Variants in ZNF257 observed in about 807,000 individuals in gnomAD.
ZNF257 encodes bone marrow zinc finger 4.
Under a neutral mutation model 11.9 loss-of-function variants are expected in ZNF257, and 12 were observed. That is an observed-to-expected ratio of 1.01 (90% confidence interval 0.65 to 1.63). ZNF257 has a LOEUF of 1.63. Among genes scored for constraint, ZNF257 ranks in the 40% most tolerant of loss-of-function variants. The pLI is 0.00. For missense variants in ZNF257, 580 were observed against 665.5 expected (o/e 0.87, Z 1.41); for synonymous variants, 183 against 222.7 (o/e 0.82, Z 1.59).
intron 3 of ZNF257, among the ~76,000 whole-genome samples, chr19:22,084,140 C>CAA (rs373804336): frequency 0.015 from 1,859 of 121,828 alleles, 21 homozygotes; most frequent in Middle Eastern, 0.033. Flanking sequence ...GACTTCATCT[C>CAA]AAAAAAAAAA....
intron 1 of ZNF257, among the ~76,000 whole-genome samples, chr19:22,057,880 CT>C (rs1359206572): frequency 6.6e-6 from 1 of 152,178 alleles, no homozygotes; most frequent in Non-Finnish European, 1.5e-5. Flanking sequence ...CTGCCTCAGC[CT>C]CCTGAATAGC....
At chr19:22,085,440 T>A (rs756612179) in intron 3 of ZNF257, among the ~76,000 whole-genome samples, 1 of 152,056 alleles carries the variant, frequency 6.6e-6, no homozygotes, top group Non-Finnish European at 1.5e-5. Flanking sequence ...AAAAAGATTG[T>A]ATGAGCTATT....
At chr19:22,060,062 T>G (rs149139491) in intron 1 of ZNF257, among the ~76,000 whole-genome samples, 75 of 152,338 alleles carry the variant, frequency 4.9e-4, no homozygotes, top group African/African-American at 1.7e-3. Flanking sequence ...CTACCATGGA[T>G]AGGCATTTAG....
chr19:22,080,175 T>TG (rs1327999734), intron 3 of ZNF257, among the ~76,000 whole-genome samples: 49 of 152,088 alleles, frequency 3.2e-4, no homozygotes, highest in Admixed American at 6.5e-5. Flanking sequence ...GAACAGGGTC[T>TG]CACTATGTTG....
At chr19:22,082,913 A>G (rs2022392864) in intron 3 of ZNF257, among the ~76,000 whole-genome samples, 2 of 152,186 alleles carry the variant, frequency 1.3e-5, no homozygotes, top group African/African-American at 2.4e-5. Flanking sequence ...AAAATCAAAT[A>G]TGAATCAGCC....
At chr19:22,074,796 T>G (rs771431996) in intron 3 of ZNF257, among the ~76,000 whole-genome samples, 1 of 151,922 alleles carries the variant, frequency 6.6e-6, no homozygotes, top group Non-Finnish European at 1.5e-5. Context: ...AACTTAGGTT[T>G]TAATGCGCTG....
At chr19:22,080,384 A>G (rs1397746482) in intron 3 of ZNF257, among the ~76,000 whole-genome samples, 2 of 152,168 alleles carry the variant, frequency 1.3e-5, no homozygotes, top group African/African-American at 4.8e-5. Context: ...TCAAAATTTT[A>G]CATTCTATTA....
intron 1 of ZNF257, among the ~76,000 whole-genome samples, chr19:22,056,092 A>T (rs1486425893): frequency 6.6e-6 from 1 of 151,364 alleles, no homozygotes; most frequent in Non-Finnish European, 1.5e-5. Flanking sequence ...GTTTTCACTT[A>T]TCTTGACCTC....
At chr19:22,084,713 A>G (rs1025255998) in intron 3 of ZNF257, among the ~76,000 whole-genome samples, 3 of 150,674 alleles carry the variant, frequency 2.0e-5, no homozygotes, top group African/African-American at 7.3e-5. Context: ...TTGTTCATAG[A>G]AAGTAATCTA....
At chr19:22,082,403 G>C (rs965725596) in intron 3 of ZNF257, among the ~76,000 whole-genome samples, 1 of 152,056 alleles carries the variant, frequency 6.6e-6, no homozygotes, top group Admixed American at 6.6e-5. Context: ...TGAACTCCTG[G>C]TCCCAAGTGA....
rs1356732402 is a variant in ZNF257 at position 22,089,377 on chromosome 19, A to G, written c.1627A>G (p.Asn543Asp). 1.9e-6 allele frequency: 3 copies of G among 1,612,434 alleles called. No individual in the cohort carries two copies. Among genetic ancestry groups the G allele is most frequent in the Non-Finnish European group, 2.5e-6 (3 of 1,179,368 alleles). Residue 543 changes from asparagine to aspartate, a missense_variant, in exon 4 of 4, where the codon AAC becomes GAC. Physicochemically the swap from Asn to Asp is conservative, Grantham distance 23. Coordinates refer to ENST00000594947, the MANE Select transcript of ZNF257 (RefSeq NM_033468.4). ...HKRIHAGENPNKYEECGKACN... is the reference protein window; with the variant it reads ...HKRIHAGENPDKYEECGKACN... ...GAGAATTCATGCTGGAGAGAACCCCAACAAATATGAAGAATGTGGCAAAGC... is the reference window on the plus strand; with the variant it reads ...GAGAATTCATGCTGGAGAGAACCCCGACAAATATGAAGAATGTGGCAAAGC...
At chr19:22,079,533 G>A (rs561363668) in intron 3 of ZNF257, among the ~76,000 whole-genome samples, 1 of 152,100 alleles carries the variant, frequency 6.6e-6, no homozygotes, top group Non-Finnish European at 1.5e-5. Context: ...TGTCTTACAT[G>A]GTGGAAGACA....
At chr19:22,075,014 G>C (rs1420544139) in intron 3 of ZNF257, among the ~76,000 whole-genome samples, 2 of 152,178 alleles carry the variant, frequency 1.3e-5, no homozygotes, top group African/African-American at 4.8e-5. Context: ...ACCTCTTCAA[G>C]TTTCTATAAA....
intron 3 of ZNF257, among the ~76,000 whole-genome samples, chr19:22,081,039 C>T (rs993118158): frequency 1.9e-4 from 29 of 151,540 alleles, no homozygotes; most frequent in African/African-American, 4.9e-4. Context: ...CCACCATGCT[C>T]GGCTAATTTT....
At chr19:22,081,349 G>T (rs1015551345) in intron 3 of ZNF257, among the ~76,000 whole-genome samples, 1 of 151,628 alleles carries the variant, frequency 6.6e-6, no homozygotes, top group African/African-American at 2.4e-5. Context: ...CCATAATTAT[G>T]TCTACCATAA....
rs976264302 is a variant in ZNF257 at position 22,089,746 on chromosome 19, C to A, written c.*304C>A. On this transcript the variant is annotated 3_prime_UTR_variant, in exon 4 of 4. Coordinates refer to ENST00000594947, the MANE Select transcript of ZNF257 (RefSeq NM_033468.4). Reference sequence around the variant, plus strand: ...TGACAAGGCCTTTAAAAGTTCTCAACCCTTATTACACATAATTTATACTGG... The same window carrying A: ...TGACAAGGCCTTTAAAAGTTCTCAAACCTTATTACACATAATTTATACTGG... 8.8e-6 allele frequency: 4 copies of A among 455,232 alleles called. No individual in the cohort carries two copies. Among genetic ancestry groups the A allele is most frequent in the Admixed American group, 3.8e-5 (1 of 26,200 alleles). The allele number at this position is 455,232 out of a possible 1,614,324, so 28.2% of individuals were successfully genotyped here.
At chr19:22,077,676 T>C (rs2022258581) in intron 3 of ZNF257, among the ~76,000 whole-genome samples, 1 of 152,114 alleles carries the variant, frequency 6.6e-6, no homozygotes, top group African/African-American at 2.4e-5. Context: ...AATTAAGACA[T>C]TTGGGTTGCT....
chr19:22,075,403 A>C (rs1386814740), intron 3 of ZNF257: 3 of 152,326 alleles, frequency 2.0e-5, no homozygotes, highest in Non-Finnish European at 2.9e-5. Context: ...GTGGCCCAGG[A>C]AGCTGGAACT....
At chr19:22,065,556 A>G (rs1034779857) in intron 1 of ZNF257, among the ~76,000 whole-genome samples, 5 of 152,184 alleles carry the variant, frequency 3.3e-5, no homozygotes, top group African/African-American at 7.2e-5. Flanking sequence ...TTAAAATTAT[A>G]TATACTTAGA....
Sources: allele counts gnomAD v4.1 joint callset (sites outside exome capture counted in the v4.1 genomes callset), GRCh38; gene constraint gnomAD v4.1.1; transcripts MANE v1.5; gene names NCBI Gene and HGNC (gene_info 2026-07-23, HGNC 2026-07-21).